The following NTRK3 variants were observed in gnomAD, a reference collection of about 807,000 sequenced individuals.
NTRK3 encodes NT-3 growth factor receptor.
A neutral mutation model predicts 91.7 loss-of-function variants in NTRK3; 24 were observed. That is an observed-to-expected ratio of 0.26 (90% CI 0.19 to 0.37). The LOEUF is 0.37. Ranked by LOEUF, NTRK3 falls within the 10% of genes least tolerant of loss-of-function variation. NTRK3 has a pLI of 1.00. For missense variants in NTRK3, 880 were observed against 1,068.9 expected (o/e 0.82, Z 2.46); for synonymous variants, 483 against 404.0 (o/e 1.20, Z -2.34).
chr15:87,861,194 T>TGTGTCTGTAAAGTATATGTAAAG (rs751913871), exon 19 of NTRK3: 16 of 220,860 alleles, frequency 7.2e-5, no homozygotes, highest in Non-Finnish European at 1.3e-4. Flanking sequence ...TCAGACAAGA[T>TGTGTCTGTAAAGTATATGTAAAG]ATAATAGCTT....
At chr15:88,143,099 T>C (rs553452377) in intron 6 of NTRK3, among the ~76,000 whole-genome samples, 1 of 151,992 alleles carries the variant, frequency 6.6e-6, no homozygotes, top group African/African-American at 2.4e-5. Context: ...GGTGCTCGCC[T>C]GTAATTCCAG....
In NTRK3 at chr15:88,255,501, G is replaced by A. The variant is rs554117271; in HGVS notation, c.248+405C>T. ...TGCCGCCGCTGCCACCGCCGCTGCC[G>A]CCTCTGCCAAAGAATCGAACCTCGT... On this transcript the variant is annotated intron_variant, in intron 3 of 18. Coordinates refer to ENST00000394480, the Ensembl canonical transcript of NTRK3. The surrounding 1 kb of genome is among the most constrained non-coding windows in gnomAD (Gnocchi z 4.3). Among the ~76,000 whole-genome samples the A allele has an allele frequency of 6.6e-6, 1 of 152,176 alleles. No individual in the cohort carries two copies. The highest frequency in any genetic ancestry group is 1.9e-4 in the East Asian group (1 of 5,188).
chr15:88,205,565 G>T (rs1384316168), intron 3 of NTRK3, among the ~76,000 whole-genome samples: 1 of 152,146 alleles, frequency 6.6e-6, no homozygotes, highest in Non-Finnish European at 1.5e-5. Context: ...CAGGAAGCCA[G>T]CCAGCCACAG....
chr15:87,978,133 A>G (rs1191620455), intron 14 of NTRK3: 1 of 230,294 alleles, frequency 4.3e-6, no homozygotes, highest in African/African-American at 2.2e-5. Context: ...GGAGAGTTTC[A>G]GGCCCTACAA....
chr15:88,241,893 G>C lies in NTRK3; in HGVS notation c.248+14013C>G, dbSNP rs1030202767. On this transcript the variant is annotated intron_variant, in intron 3 of 18. Transcript: ENST00000394480. This position sits in a 1 kb window ranked among gnomAD's most constrained non-coding sequence, Gnocchi z 4.3. ...CCAGGTGCAGGGAGAGGCCAGGAGA[G>C]TTGCTGCTCGGCTGCACACATCCTA... 3.3e-5 allele frequency among the ~76,000 whole-genome samples: 5 copies of C among 152,166 alleles called. No individual in the cohort carries two copies. The highest frequency in any genetic ancestry group is 6.5e-5 in the Admixed American group (1 of 15,280).
At chr15:88,056,931 G>A (rs2045749906) in intron 13 of NTRK3, among the ~76,000 whole-genome samples, 1 of 152,158 alleles carries the variant, frequency 6.6e-6, no homozygotes, top group Non-Finnish European at 1.5e-5. Context: ...AGCACTTTGG[G>A]AGGCCGAGAC....
At chr15:88,147,392 C>T (rs2151313886) in exon 6 of NTRK3, 2 of 1,613,806 alleles carry the variant, frequency 1.2e-6, no homozygotes, top group Non-Finnish European at 1.7e-6. Context: ...GAGCCGGTTA[C>T]TTGACAGGTT....
intron 3 of NTRK3, among the ~76,000 whole-genome samples, chr15:88,238,125 T>C (rs1431101508): frequency 1.3e-5 from 2 of 152,150 alleles, no homozygotes; most frequent in Non-Finnish European, 2.9e-5. Flanking sequence ...CTGCAAGCCA[T>C]GGAGGGAGGC....
chr15:87,969,685 TC>T (rs1472423104), intron 14 of NTRK3, among the ~76,000 whole-genome samples: 2 of 152,114 alleles, frequency 1.3e-5, no homozygotes, highest in Non-Finnish European at 2.9e-5. Context: ...CTCTCCCTCC[TC>T]CTCTCCCTCC....
chr15:87,870,736 T>C (rs1359307469), exon 19 of NTRK3: 1 of 223,110 alleles, frequency 4.5e-6, no homozygotes, highest in East Asian at 6.5e-5. Flanking sequence ...ACTCCTTTTG[T>C]AAGATACTAA....
intron 13 of NTRK3, among the ~76,000 whole-genome samples, chr15:88,097,885 T>C (rs1446571089): frequency 6.6e-6 from 1 of 152,212 alleles, no homozygotes; most frequent in Non-Finnish European, 1.5e-5. Flanking sequence ...ACAAGGGTGA[T>C]TTACTGTTTT....
chr15:88,042,938 T>A (rs1271382745), intron 13 of NTRK3, among the ~76,000 whole-genome samples: 1 of 152,242 alleles, frequency 6.6e-6, no homozygotes, highest in Non-Finnish European at 1.5e-5. Context: ...CCCTCCAGTA[T>A]TGTTTTTCTA....
chr15:87,983,590 A>G (rs1352198649), intron 14 of NTRK3, among the ~76,000 whole-genome samples: 1 of 152,214 alleles, frequency 6.6e-6, no homozygotes, highest in Non-Finnish European at 1.5e-5. Context: ...ACTCCACTTT[A>G]CAAGGGAGAA....
chr15:88,063,417 G>T (rs2046383202), intron 13 of NTRK3, among the ~76,000 whole-genome samples: 1 of 152,154 alleles, frequency 6.6e-6, no homozygotes, highest in Non-Finnish European at 1.5e-5. Flanking sequence ...CTCACTAATG[G>T]ATTCTGTATG....
At chr15:88,044,098 C>T (rs1438620069) in intron 13 of NTRK3, among the ~76,000 whole-genome samples, 11 of 152,038 alleles carry the variant, frequency 7.2e-5, no homozygotes, top group Admixed American at 7.2e-4. Flanking sequence ...CACTTGTTGG[C>T]ACTGTACTGG....
intron 5 of NTRK3, among the ~76,000 whole-genome samples, chr15:88,160,136 C>T (rs1262478732): frequency 6.6e-6 from 1 of 152,168 alleles, no homozygotes; most frequent in Non-Finnish European, 1.5e-5. Flanking sequence ...CGGACGAGAG[C>T]ATCCAAACCA....
At chr15:88,157,941 T>C (rs1335117650) in intron 5 of NTRK3, among the ~76,000 whole-genome samples, 2 of 152,138 alleles carry the variant, frequency 1.3e-5, no homozygotes, top group Non-Finnish European at 2.9e-5. Context: ...TCTTGGCCAA[T>C]CTTGGCTACA....
chr15:87,947,373 C>A (rs1201050319), intron 14 of NTRK3, among the ~76,000 whole-genome samples: 1 of 152,152 alleles, frequency 6.6e-6, no homozygotes, highest in African/African-American at 2.4e-5. Context: ...ACCCCTGCAA[C>A]CCCTACTTCA....
At chr15:87,979,651 C>T (rs1161050491) in intron 14 of NTRK3, among the ~76,000 whole-genome samples, 1 of 152,096 alleles carries the variant, frequency 6.6e-6, no homozygotes, top group Non-Finnish European at 1.5e-5. Context: ...AAACTGGAAA[C>T]ACTCCATTTT....
Sources: gnomAD v4.1 joint callset for allele counts (sites outside exome capture counted in the v4.1 genomes callset) on GRCh38, gnomAD v4.1.1 for gene constraint, Gnocchi (gnomAD v3.1) non-coding constraint, MANE v1.5 for transcripts, NCBI Gene and HGNC (gene_info 2026-07-23, HGNC 2026-07-21) for gene names.